Variants in CIMAP3 observed in about 807,000 individuals in gnomAD.
CIMAP3 encodes the protein ciliary microtubule associated protein 3.
At chr1:111,344,083 C>T in the CIMAP3 span, among the ~76,000 whole-genome samples, 1 of 152,070 alleles carries the variant, frequency 6.6e-6, no homozygotes, top group African/African-American at 2.4e-5. Flanking sequence ...ATTATAAGCT[C>T]TTGTTTTATA....
At chr1:111,346,713 G>C in the CIMAP3 span, 1 of 1,600,916 alleles carries the variant, frequency 6.2e-7, no homozygotes, top group South Asian at 1.1e-5. Flanking sequence ...AGGGCAGGTA[G>C]GGGGAAGGGT....
At chr1:111,331,091 A>T in the CIMAP3 span, among the ~76,000 whole-genome samples, 1 of 152,228 alleles carries the variant, frequency 6.6e-6, no homozygotes, top group Non-Finnish European at 1.5e-5. Flanking sequence ...TTGAATAGAC[A>T]TTCCTTTGTG....
At chr1:111,349,696 C>CT in the CIMAP3 span, 2 of 155,614 alleles carry the variant, frequency 1.3e-5, no homozygotes, top group African/African-American at 4.8e-5. Context: ...ACTGGCTTTG[C>CT]TTTGCTTTGC....
chr1:111,332,250 G>C, the CIMAP3 span, among the ~76,000 whole-genome samples: 1 of 152,154 alleles, frequency 6.6e-6, no homozygotes, highest in Non-Finnish European at 1.5e-5. Context: ...TTGGTCTGAG[G>C]ATGTGTCTTC....
At chr1:111,352,214 C>G in the CIMAP3 span, 1 of 152,406 alleles carries the variant, frequency 6.6e-6, no homozygotes, top group Non-Finnish European at 1.5e-5. Context: ...CTGAAATAAT[C>G]AAGTATATAG....
At chr1:111,348,681 A>G in the CIMAP3 span, 1 of 1,541,044 alleles carries the variant, frequency 6.5e-7, no homozygotes, top group African/African-American at 1.4e-5. Flanking sequence ...CTTCAACAAA[A>G]AAAGCAATAG....
the CIMAP3 span, among the ~76,000 whole-genome samples, chr1:111,325,324 G>A: frequency 9.8e-5 from 15 of 152,294 alleles, no homozygotes; most frequent in Admixed American, 9.8e-4. Context: ...ACTTCCACAA[G>A]GTCACATAGT....
the CIMAP3 span, among the ~76,000 whole-genome samples, chr1:111,330,677 G>A: frequency 2.0e-5 from 3 of 152,344 alleles, no homozygotes; most frequent in African/African-American, 7.2e-5. Flanking sequence ...GCAGCTCTGG[G>A]GTGATCTCAG....
chr1:111,351,503 A>G, the CIMAP3 span: 321 of 471,394 alleles, frequency 6.8e-4, 2 homozygotes, highest in African/African-American at 3.9e-3. Flanking sequence ...GCACAGTGCT[A>G]TCTCCATCTA....
the CIMAP3 span, chr1:111,351,339 T>C: frequency 1.4e-5 from 22 of 1,550,184 alleles, no homozygotes; most frequent in African/African-American, 4.2e-5. Flanking sequence ...CGGCTGTAAC[T>C]ACCTTCACGT....
chr1:111,346,753 A>G, the CIMAP3 span: 1 of 1,559,210 alleles, frequency 6.4e-7, no homozygotes, highest in Non-Finnish European at 8.8e-7. Flanking sequence ...AAGTGGGAGG[A>G]AGTGCAGTTC....
chr1:111,335,140 AAAAAAAAAAAAAAGAC>A, the CIMAP3 span, among the ~76,000 whole-genome samples: 3 of 140,108 alleles, frequency 2.1e-5, no homozygotes, highest in Non-Finnish European at 4.7e-5. Context: ...AAAAAAAAAA[AAAAAAAAAAAAAAGAC>A]AGAAAAAAAA....
chr1:111,331,371 T>C, the CIMAP3 span, among the ~76,000 whole-genome samples: 1 of 152,182 alleles, frequency 6.6e-6, no homozygotes. Context: ...CTGTAATCTT[T>C]CTTCATTCTT....
chr1:111,339,638 C>G, the CIMAP3 span, among the ~76,000 whole-genome samples: 1 of 151,834 alleles, frequency 6.6e-6, no homozygotes, highest in Non-Finnish European at 1.5e-5. Flanking sequence ...CCTAGGAATC[C>G]ACCTTACAAG....
chr1:111,348,155 G>A, the CIMAP3 span, among the ~76,000 whole-genome samples: 5 of 152,158 alleles, frequency 3.3e-5, no homozygotes, highest in Non-Finnish European at 7.3e-5. Context: ...AGTTCAGTAG[G>A]GGATCCTAAT....
At chr1:111,349,873 G>T in the CIMAP3 span, 1 of 435,538 alleles carries the variant, frequency 2.3e-6, no homozygotes, top group Non-Finnish European at 4.2e-6. Context: ...TTTTAATCTG[G>T]AGTCGATCTG....
At chr1:111,326,211 C>T in the CIMAP3 span, among the ~76,000 whole-genome samples, 3 of 152,058 alleles carry the variant, frequency 2.0e-5, no homozygotes, top group African/African-American at 7.2e-5. Flanking sequence ...TATCAATAAC[C>T]ATAGTCACTC....
chr1:111,347,618 C>CTTT, the CIMAP3 span: 9,599 of 922,182 alleles, frequency 0.01, 129 homozygotes, highest in South Asian at 0.015. Context: ...GTTGTTTTTT[C>CTTT]TTTCTTTTTT....
At chr1:111,329,679 T>C in the CIMAP3 span, among the ~76,000 whole-genome samples, 11,606 of 151,116 alleles carry the variant, frequency 0.077, 560 homozygotes, top group African/African-American at 0.13. Context: ...CTCAGCCTCC[T>C]GAGTAGCTGG....
Sources: allele counts gnomAD v4.1 joint callset (sites outside exome capture counted in the v4.1 genomes callset), GRCh38; gene constraint gnomAD v4.1.1; transcripts MANE v1.5; gene names NCBI Gene and HGNC (gene_info 2026-07-23, HGNC 2026-07-21).